MIPOL1: variants seen among roughly 807,000 people sequenced by gnomAD.
The protein encoded by MIPOL1 is mirror-image polydactyly gene 1 protein.
MIPOL1 carries 57 observed loss-of-function variants against 60.9 expected under a neutral mutation model. The ratio of observed to expected loss-of-function variants is 0.94; its 90% CI spans 0.76 to 1.17. MIPOL1 has a LOEUF of 1.17. Among genes scored for constraint, MIPOL1 ranks in the 50% most tolerant of loss-of-function variants. MIPOL1 has a pLI of 0.00. For synonymous variants in MIPOL1, 179 were observed against 168.8 expected, an observed-to-expected ratio of 1.06 and a Z score of -0.47; for missense variants, 551 against 511.6, an observed-to-expected ratio of 1.08 and a Z score of -0.74.
intron 9 of MIPOL1, among the ~76,000 whole-genome samples, chr14:37,325,282 A>T (rs985368970): frequency 6.6e-6 from 1 of 152,106 alleles, no homozygotes; most frequent in Non-Finnish European, 1.5e-5. Flanking sequence ...CGTCTTTTTG[A>T]TATGTTGACA....
chr14:37,204,401 G>A (rs1278872096), intron 1 of MIPOL1, among the ~76,000 whole-genome samples: 3 of 152,198 alleles, frequency 2.0e-5, no homozygotes, highest in African/African-American at 4.8e-5. Flanking sequence ...GTGTCCCCAC[G>A]CAAATCTCAT....
intron 9 of MIPOL1, among the ~76,000 whole-genome samples, chr14:37,358,885 G>T (rs1292527123): frequency 6.6e-6 from 1 of 152,102 alleles, no homozygotes. Flanking sequence ...TGCTTTTGGT[G>T]TTTTAGTCAT....
At chr14:37,523,948 G>A (rs767749170) in intron 12 of MIPOL1, among the ~76,000 whole-genome samples, 6 of 152,160 alleles carry the variant, frequency 3.9e-5, no homozygotes, top group Non-Finnish European at 8.8e-5. Context: ...CTGTATGGAA[G>A]CCAAAGCAAA....
At chr14:37,435,451 A>T (rs970209453) in intron 11 of MIPOL1, among the ~76,000 whole-genome samples, 30 of 151,034 alleles carry the variant, frequency 2.0e-4, no homozygotes, top group African/African-American at 3.2e-4. Context: ...CTTTATTATT[A>T]TTTTTTTTCA....
intron 9 of MIPOL1, among the ~76,000 whole-genome samples, chr14:37,348,903 GC>G (rs1346521269): frequency 7.0e-6 from 1 of 143,078 alleles, no homozygotes; most frequent in Non-Finnish European, 1.5e-5. Flanking sequence ...TCTCAAGCTC[GC>G]TGCAACCTCT....
At chr14:37,268,829 G>A in intron 5 of MIPOL1, 36 bp downstream of exon 5, 3 of 1,427,140 alleles carry the variant, frequency 2.1e-6, no homozygotes, top group Non-Finnish European at 1.9e-6. Context: ...GTATAGTATG[G>A]GTTTAGCTGT....
chr14:37,481,560 AAC>A (rs3062719), intron 11 of MIPOL1, among the ~76,000 whole-genome samples: 11,190 of 112,916 alleles, frequency 0.099, 531 homozygotes, highest in East Asian at 0.11. Context: ...GACCCCCCCC[AAC>A]ACACACACAC....
At chr14:37,420,096 G>GAAA (rs796634849) in intron 10 of MIPOL1, among the ~76,000 whole-genome samples, 2 of 133,090 alleles carry the variant, frequency 1.5e-5, no homozygotes, top group Admixed American at 7.5e-5. Context: ...AGCAATTTTT[G>GAAA]AAAAAAAAAA....
chr14:37,522,673 A>G (rs959615093), intron 12 of MIPOL1, among the ~76,000 whole-genome samples: 34 of 152,306 alleles, frequency 2.2e-4, no homozygotes, highest in African/African-American at 8.2e-4. Context: ...TGAACACATG[A>G]ATCCAAAAAA....
chr14:37,249,469 TAAC>T (rs1196471145), intron 3 of MIPOL1, among the ~76,000 whole-genome samples: 1 of 152,186 alleles, frequency 6.6e-6, no homozygotes, highest in African/African-American at 2.4e-5. Context: ...TTTATACTGT[TAAC>T]AAATTTTCTT....
chr14:37,414,454 C>T (rs11156952), intron 10 of MIPOL1, among the ~76,000 whole-genome samples: 1 of 151,894 alleles, frequency 6.6e-6, no homozygotes, highest in South Asian at 2.1e-4. Context: ...GCATGTGTAT[C>T]ATGTTTGTCA....
intron 12 of MIPOL1, among the ~76,000 whole-genome samples, chr14:37,536,623 T>C (rs76609636): frequency 1.3e-5 from 2 of 152,178 alleles, no homozygotes; most frequent in Non-Finnish European, 2.9e-5. Flanking sequence ...AGTTTTTGTT[T>C]TGAGTTTTTT....
chr14:37,428,158 A>G (rs1259089583), intron 11 of MIPOL1, among the ~76,000 whole-genome samples: 1 of 152,204 alleles, frequency 6.6e-6, no homozygotes, highest in African/African-American at 2.4e-5. Context: ...GCCGGCATGT[A>G]TACTGTGAAG....
intron 1 of MIPOL1, among the ~76,000 whole-genome samples, chr14:37,203,863 A>G (rs1594419708): frequency 6.6e-6 from 1 of 152,014 alleles, no homozygotes; most frequent in Non-Finnish European, 1.5e-5. Context: ...GCTCACTGCA[A>G]CCTCCGCCTC....
intron 6 of MIPOL1, among the ~76,000 whole-genome samples, chr14:37,273,375 A>AT (rs1007327397): frequency 1.0e-3 from 148 of 147,866 alleles, no homozygotes; most frequent in African/African-American, 2.9e-3. Flanking sequence ...AAAAGATGTG[A>AT]TTTTTTTTTT....
chr14:37,205,849 G>A (rs1360431513), intron 1 of MIPOL1, among the ~76,000 whole-genome samples: 1 of 152,100 alleles, frequency 6.6e-6, no homozygotes, highest in East Asian at 1.9e-4. Context: ...GTGCCACATT[G>A]TCTTAATCCA....
intron 9 of MIPOL1, among the ~76,000 whole-genome samples, chr14:37,355,528 T>A (rs2091748000): frequency 6.6e-6 from 1 of 151,430 alleles, no homozygotes; most frequent in South Asian, 2.1e-4. Context: ...ATTCTCCCTG[T>A]CACTTTCAGG....
chr14:37,489,643 C>A (rs1391631292), intron 11 of MIPOL1, among the ~76,000 whole-genome samples: 2 of 152,154 alleles, frequency 1.3e-5, no homozygotes, highest in Non-Finnish European at 2.9e-5. Context: ...GACTGGACGT[C>A]CTTTTTGTTG....
chr14:37,477,978 C>A (rs1367452045), intron 11 of MIPOL1, among the ~76,000 whole-genome samples: 1 of 152,158 alleles, frequency 6.6e-6, no homozygotes. Context: ...GCAGATGCCC[C>A]ATTGGGAACA....
Sources: allele counts gnomAD v4.1 joint callset (sites outside exome capture counted in the v4.1 genomes callset), GRCh38; gene constraint gnomAD v4.1.1; transcripts MANE v1.5; gene names NCBI Gene and HGNC (gene_info 2026-07-23, HGNC 2026-07-21).